The following ZNF521 variants were observed in gnomAD, a reference collection of about 807,000 sequenced individuals.
The protein encoded by ZNF521 is zinc finger protein 521.
Under a neutral mutation model 105.5 loss-of-function variants are expected in ZNF521, and 14 were observed. The observed-to-expected ratio is 0.13, with a 90% CI of 0.09 to 0.21. The LOEUF is 0.21. Ranked by LOEUF, ZNF521 falls within the 10% of genes least tolerant of loss-of-function variation. The probability of loss-of-function intolerance (pLI) is 1.00; values close to 1 mark genes in which losing one functional copy is unlikely to be tolerated. For missense variants in ZNF521, 1,233 were observed against 1,629.7 expected (o/e 0.76, Z 4.19); for synonymous variants, 635 against 606.0 (o/e 1.05, Z -0.70).
intron 5 of ZNF521, among the ~76,000 whole-genome samples, chr18:25,148,035 C>G (rs1168130093): frequency 6.6e-6 from 1 of 152,102 alleles, no homozygotes. Flanking sequence ...CAAGATCCAG[C>G]TGGCCCCTAC....
At chr18:25,125,967 C>A (rs1221694380) in intron 5 of ZNF521, among the ~76,000 whole-genome samples, 1 of 151,988 alleles carries the variant, frequency 6.6e-6, no homozygotes, top group Non-Finnish European at 1.5e-5. Flanking sequence ...AATATTTGTG[C>A]ACCATATTCC....
At chr18:25,176,617 C>A (rs2035539350) in intron 5 of ZNF521, among the ~76,000 whole-genome samples, 1 of 152,142 alleles carries the variant, frequency 6.6e-6, no homozygotes. Flanking sequence ...AGGGACTCAG[C>A]ATTTGGGGAC....
intron 3 of ZNF521, among the ~76,000 whole-genome samples, chr18:25,230,454 G>A (rs971648211): frequency 2.0e-5 from 3 of 152,056 alleles, no homozygotes; most frequent in African/African-American, 4.8e-5. Context: ...TGGTCTCCCC[G>A]CCAACATACT....
intron 3 of ZNF521, among the ~76,000 whole-genome samples, chr18:25,283,921 TTCCC>T (rs1910530461): frequency 1.3e-5 from 1 of 78,394 alleles, no homozygotes; most frequent in Non-Finnish European, 2.6e-5. Context: ...AGCCAATACT[TTCCC>T]CCCCCCCCAA....
At chr18:25,329,378 C>T (rs891455737) in intron 2 of ZNF521, among the ~76,000 whole-genome samples, 14 of 152,228 alleles carry the variant, frequency 9.2e-5, no homozygotes, top group African/African-American at 1.4e-4. Context: ...AGTAAGTCAA[C>T]GACTACAGCA....
intron 5 of ZNF521, among the ~76,000 whole-genome samples, chr18:25,117,090 C>CACA (rs56408075): frequency 1.4e-5 from 2 of 143,000 alleles, no homozygotes; most frequent in Non-Finnish European, 3.0e-5. Flanking sequence ...CACATACACA[C>CACA]ATCCTTAATT....
chr18:25,191,333 T>C (rs796514555), intron 5 of ZNF521, among the ~76,000 whole-genome samples: 24 of 152,326 alleles, frequency 1.6e-4, no homozygotes, highest in African/African-American at 5.8e-4. Context: ...TCCTGACTAC[T>C]TGTCCTCCAA....
chr18:25,129,263 A>G (rs1393356890), intron 5 of ZNF521, among the ~76,000 whole-genome samples: 1 of 80,234 alleles, frequency 1.2e-5, no homozygotes, highest in African/African-American at 3.2e-5. Flanking sequence ...AATAATAATA[A>G]TAATTATTAT....
chr18:25,117,986 G>A (rs1165219389), intron 5 of ZNF521, among the ~76,000 whole-genome samples: 1 of 151,420 alleles, frequency 6.6e-6, no homozygotes, highest in Non-Finnish European at 1.5e-5. Flanking sequence ...TTAAAAGCAG[G>A]AAAAAACAAA....
chr18:25,213,407 A>C (rs370235729), intron 4 of ZNF521, among the ~76,000 whole-genome samples: 2 of 151,828 alleles, frequency 1.3e-5, no homozygotes, highest in Non-Finnish European at 2.9e-5. Flanking sequence ...AGATAAAAAT[A>C]TAATTTATCT....
At chr18:25,263,331 A>G (rs1451121320) in intron 3 of ZNF521, among the ~76,000 whole-genome samples, 1 of 152,106 alleles carries the variant, frequency 6.6e-6, no homozygotes, top group Non-Finnish European at 1.5e-5. Flanking sequence ...GATTGATGAA[A>G]AAAAAAAGTT....
At chr18:25,173,702 A>C (rs182804732) in intron 5 of ZNF521, among the ~76,000 whole-genome samples, 1 of 152,220 alleles carries the variant, frequency 6.6e-6, no homozygotes, top group Admixed American at 6.5e-5. Context: ...AATGGGAAAA[A>C]TATAAAACGA....
intron 4 of ZNF521, among the ~76,000 whole-genome samples, chr18:25,203,687 C>A (rs1224155090): frequency 6.6e-6 from 1 of 151,854 alleles, no homozygotes; most frequent in Non-Finnish European, 1.5e-5. Flanking sequence ...AGAGCCAGGG[C>A]TAAATTAGAA....
chr18:25,283,101 AG>A (rs1486073340), intron 3 of ZNF521, among the ~76,000 whole-genome samples: 2 of 152,204 alleles, frequency 1.3e-5, no homozygotes, highest in African/African-American at 4.8e-5. Context: ...ACTCTATCCA[AG>A]GAAAGTACAA....
At chr18:25,321,213 G>T (rs889901530) in intron 3 of ZNF521, among the ~76,000 whole-genome samples, 8 of 152,130 alleles carry the variant, frequency 5.3e-5, no homozygotes, top group Admixed American at 4.6e-4. Context: ...AGAATGATGT[G>T]TATCTTACAG....
chr18:25,225,344 C>A lies in ZNF521; in HGVS notation c.2574G>T (p.Leu858=). The A allele has an allele frequency of 6.2e-7, 1 of 1,614,210 alleles. No individual in the cohort carries two copies. Among genetic ancestry groups the A allele is most frequent in the Non-Finnish European group, 8.5e-7 (1 of 1,180,030 alleles). ...CCTGGCTGTTGGTCAGCAAAGTCTG[C>A]AGCTCCACTTCCTCTTTCTGCACTT... ...SEQVQKEEVE[L]QTLLTNSQES... The change falls in exon 4 of 8, where the codon CTG becomes CTT. Residue 858 remains leucine, a synonymous_variant. Transcript: ENST00000361524. This position sits in a 1 kb window ranked among gnomAD's most constrained non-coding sequence, Gnocchi z 5.6.
At chr18:25,151,499 G>T (rs1221122331) in intron 5 of ZNF521, among the ~76,000 whole-genome samples, 1 of 152,190 alleles carries the variant, frequency 6.6e-6, no homozygotes, top group Admixed American at 6.5e-5. Flanking sequence ...GTGAATAAAT[G>T]ATTGACTGAC....
At chr18:25,345,368 AATT>A (rs1914416530) in intron 2 of ZNF521, 1 of 152,214 alleles carries the variant, frequency 6.6e-6, no homozygotes, top group African/African-American at 2.4e-5. Flanking sequence ...AAAAAAGAAA[AATT>A]ATTAACAGCT....
chr18:25,292,424 AG>A (rs1368748548), intron 3 of ZNF521, among the ~76,000 whole-genome samples: 5 of 152,206 alleles, frequency 3.3e-5, no homozygotes, highest in Non-Finnish European at 7.3e-5. Flanking sequence ...ATTCACAAAA[AG>A]GGCATTTCCA....
Sources: allele counts gnomAD v4.1 joint callset (sites outside exome capture counted in the v4.1 genomes callset), GRCh38; gene constraint gnomAD v4.1.1; non-coding constraint Gnocchi (gnomAD v3.1); transcripts MANE v1.5; gene names NCBI Gene and HGNC (gene_info 2026-07-23, HGNC 2026-07-21).